The following MTUS1 variants were observed in gnomAD, a reference collection of about 807,000 sequenced individuals.
MTUS1 encodes the protein microtubule-associated tumor suppressor 1.
Under a neutral mutation model 120.8 loss-of-function variants are expected in MTUS1, and 109 were observed. The ratio of observed to expected loss-of-function variants is 0.90; its 90% CI spans 0.77 to 1.06. The LOEUF (loss-of-function observed/expected upper bound fraction) is 1.06, where lower values mean the gene tolerates loss of function less well. Ranked by LOEUF, MTUS1 falls within the 50% of genes least tolerant of loss-of-function variation. The pLI, the probability that MTUS1 is intolerant of heterozygous loss-of-function variation, is 0.00. For missense variants in MTUS1, 2,210 were observed against 1,486.3 expected (o/e 1.49, Z -8.01); for synonymous variants, 737 against 550.5 (o/e 1.34, Z -4.74).
intron 3 of MTUS1, 47 bp downstream of exon 3, chr8:17,743,557 T>C (rs777286710): frequency 6.4e-7 from 1 of 1,560,062 alleles, no homozygotes; most frequent in Non-Finnish European, 8.7e-7. Flanking sequence ...GACTGTCCAA[T>C]TTTACATTCA....
intron 1 of MTUS1, chr8:17,800,809 C>G (rs1400779705): frequency 6.6e-6 from 1 of 152,284 alleles, no homozygotes; most frequent in Non-Finnish European, 1.5e-5. Context: ...TCAAGCCCCT[C>G]GGTCACTTTC....
chr8:17,697,148 C>T, intron 6 of MTUS1: 1 of 1,385,908 alleles, frequency 7.2e-7, no homozygotes, highest in Admixed American at 2.3e-5. Flanking sequence ...TTAGAGAGAG[C>T]TTTTTTCCTC....
intron 2 of MTUS1, among the ~76,000 whole-genome samples, chr8:17,745,933 C>T (rs1297176830): frequency 6.6e-6 from 1 of 152,156 alleles, no homozygotes; most frequent in Non-Finnish European, 1.5e-5. Flanking sequence ...TTCCCCCTTG[C>T]TGTTCTTATG....
At chr8:17,649,729 A>C in intron 13 of MTUS1, 117 bp downstream of exon 13, 1 of 665,022 alleles carries the variant, frequency 1.5e-6, no homozygotes, top group Non-Finnish European at 2.7e-6. Flanking sequence ...TCTTTTGTAT[A>C]ATTTCTAAAT....
intron 7 of MTUS1, among the ~76,000 whole-genome samples, chr8:17,680,964 C>T (rs112318481): frequency 6.6e-6 from 1 of 151,716 alleles, no homozygotes; most frequent in Non-Finnish European, 1.5e-5. Flanking sequence ...GTTGGAATCT[C>T]GCTCTGTTGC....
chr8:17,661,084 C>T (rs1809585099), intron 8 of MTUS1, among the ~76,000 whole-genome samples: 1 of 152,184 alleles, frequency 6.6e-6, no homozygotes, highest in Non-Finnish European at 1.5e-5. Flanking sequence ...ACACTAGTAA[C>T]CACAGAAGAA....
intron 8 of MTUS1, among the ~76,000 whole-genome samples, chr8:17,657,385 G>A (rs1314502647): frequency 2.0e-5 from 3 of 151,208 alleles, no homozygotes; most frequent in Non-Finnish European, 4.4e-5. Flanking sequence ...CGGCTAAAAC[G>A]GTGAAACCCC....
intron 2 of MTUS1, among the ~76,000 whole-genome samples, chr8:17,748,730 C>A (rs191407713): frequency 6.7e-6 from 1 of 149,116 alleles, no homozygotes; most frequent in Non-Finnish European, 1.5e-5. Context: ...TTGAGCATGG[C>A]GGGCTGAATG....
At chr8:17,722,390 G>C (rs2045912695) in intron 4 of MTUS1, 4 of 983,488 alleles carry the variant, frequency 4.1e-6, no homozygotes, top group East Asian at 1.1e-4. Flanking sequence ...GCAAGACAAA[G>C]AGAGCTTAAA....
intron 3 of MTUS1, among the ~76,000 whole-genome samples, chr8:17,738,084 A>G (rs759795410): frequency 3.3e-5 from 5 of 152,220 alleles, no homozygotes; most frequent in Non-Finnish European, 7.3e-5. Flanking sequence ...TACTGTCTTG[A>G]AAGGAATTTA....
intron 1 of MTUS1, among the ~76,000 whole-genome samples, chr8:17,791,575 A>C (rs1456604278): frequency 6.6e-6 from 1 of 152,216 alleles, no homozygotes; most frequent in Non-Finnish European, 1.5e-5. Context: ...AAGTATCTAC[A>C]TTGATTTTTT....
intron 3 of MTUS1, among the ~76,000 whole-genome samples, chr8:17,737,725 AATCCTCCCACTTC>A (rs2047032071): frequency 1.3e-5 from 2 of 152,132 alleles, no homozygotes; most frequent in Admixed American, 1.3e-4. Flanking sequence ...GGGCTCAAGT[AATCCTCCCACTTC>A]ATCCTCCCTA....
intron 6 of MTUS1, among the ~76,000 whole-genome samples, chr8:17,711,934 C>G (rs1821381040): frequency 6.6e-6 from 1 of 152,166 alleles, no homozygotes; most frequent in Non-Finnish European, 1.5e-5. Context: ...CAGTGGAGCA[C>G]TTGAAATGCA....
At chr8:17,763,136 G>A (rs2131390295) in intron 1 of MTUS1, among the ~76,000 whole-genome samples, 1 of 152,060 alleles carries the variant, frequency 6.6e-6, no homozygotes, top group South Asian at 2.1e-4. Flanking sequence ...GATTACAGGT[G>A]CCCACCACCA....
At chr8:17,776,110 A>C (rs921225849) in intron 1 of MTUS1, among the ~76,000 whole-genome samples, 1 of 152,190 alleles carries the variant, frequency 6.6e-6, no homozygotes, top group Non-Finnish European at 1.5e-5. Context: ...TTGTATTTAC[A>C]GTCAGCCAAC....
chr8:17,662,626 T>C (rs899086591), intron 8 of MTUS1, among the ~76,000 whole-genome samples: 1 of 152,072 alleles, frequency 6.6e-6, no homozygotes, highest in Non-Finnish European at 1.5e-5. Flanking sequence ...AGTGCTGGAA[T>C]TACAGGTGTG....
intron 6 of MTUS1, among the ~76,000 whole-genome samples, chr8:17,695,486 C>T (rs1817762803): frequency 6.6e-6 from 1 of 152,134 alleles, no homozygotes; most frequent in African/African-American, 2.4e-5. Context: ...TGCAAATAAA[C>T]AGAAAATAGT....
At chr8:17,703,578 G>A (rs543310165) in intron 6 of MTUS1, among the ~76,000 whole-genome samples, 55 of 149,180 alleles carry the variant, frequency 3.7e-4, no homozygotes, top group African/African-American at 1.1e-3. Flanking sequence ...GCAGTGAGCC[G>A]AGATCGCGCC....
At chr8:17,668,880 A>C (rs1040942842) in intron 8 of MTUS1, among the ~76,000 whole-genome samples, 4 of 152,164 alleles carry the variant, frequency 2.6e-5, no homozygotes, top group Non-Finnish European at 5.9e-5. Flanking sequence ...CTTTGTGTCC[A>C]TATGTGTTTG....
Sources: gnomAD v4.1 joint callset for allele counts (sites outside exome capture counted in the v4.1 genomes callset) on GRCh38, gnomAD v4.1.1 for gene constraint, MANE v1.5 for transcripts, NCBI Gene and HGNC (gene_info 2026-07-23, HGNC 2026-07-21) for gene names.